SLC25A36: variants seen among roughly 807,000 people sequenced by gnomAD.
SLC25A36 encodes epididymis secretory sperm binding protein.
SLC25A36 carries 24 observed loss-of-function variants against 35.3 expected under a neutral mutation model. The ratio of observed to expected loss-of-function variants is 0.68; its 90% CI spans 0.49 to 0.96. SLC25A36 has a LOEUF of 0.96. Among genes scored for constraint, SLC25A36 ranks in the 40% least tolerant of loss-of-function variants. SLC25A36 has a pLI of 0.00. For missense variants in SLC25A36, 294 were observed against 381.1 expected (o/e 0.77, Z 1.90); for synonymous variants, 141 against 132.2 (o/e 1.07, Z -0.46).
chr3:140,968,622 C>A (rs1934823867), intron 4 of SLC25A36: 1 of 953,010 alleles, frequency 1.0e-6, no homozygotes, highest in African/African-American at 1.8e-5. Context: ...TTGTTCCTAA[C>A]AACATTTATA....
rs1345597373 is a variant in SLC25A36, at chr3:140,963,037, T to G, written c.285-90T>G. ...GGCTAGGACTTTATGGTTTTTAAAT[T>G]TCTCCATTCTAAAATTATGAAGATC... On this transcript the variant is annotated intron_variant, in intron 3 of 6. Coordinates refer to ENST00000324194, the MANE Select transcript of SLC25A36 (RefSeq NM_001104647.3). 2.7e-5 allele frequency: 21 copies of G among 770,944 alleles called. No homozygotes were observed. In the East Asian group the frequency reaches 6.1e-4, roughly 22 times the overall value. The allele number at this position is 770,944 out of a possible 1,614,324, so 47.8% of individuals were successfully genotyped here.
At position 140,980,144 on chromosome 3, in the gene SLC25A36, A is replaced by G. The variant is rs541895645; in HGVS notation, c.*3691A>G. ...AGGAACCCAAAGGTCAAGTAATCCA[A>G]CTCCCTCATAGTGTACAAAGAAATC... On this transcript the variant is annotated 3_prime_UTR_variant, in exon 7 of 7. Transcript: ENST00000324194. Among the ~76,000 whole-genome samples the G allele has an allele frequency of 2.6e-5, 4 of 152,200 alleles. No homozygotes were observed. The highest frequency in any genetic ancestry group is 4.4e-5 in the Non-Finnish European group (3 of 67,998).
chr3:140,942,179 G>T (rs1191995884), intron 1 of SLC25A36, 84 bp downstream of exon 1: 3 of 127,424 alleles, frequency 2.4e-5, no homozygotes, highest in African/African-American at 7.0e-5. Context: ...GGGGCCGAGG[G>T]GGGTGGGGGG....
chr3:140,942,695 CT>C (rs1934048344), intron 1 of SLC25A36: 1 of 152,282 alleles, frequency 6.6e-6, no homozygotes, highest in Non-Finnish European at 1.5e-5. Context: ...CACCTCGGAC[CT>C]CGGGCCGCTC....
Position 140,961,180 on chromosome 3 carries a change from CAAGTT to C in SLC25A36, c.284+1643_284+1647del, listed in dbSNP as rs1447826801. Reference sequence around the variant, plus strand: ...CCAAAATTGCATCCTAATTATAAAACAAGTTAAAAGAAAAAAAACACCATTAATAG... The same window carrying C: ...CCAAAATTGCATCCTAATTATAAAACAAAAGAAAAAAAACACCATTAATAG... On this transcript the variant is annotated intron_variant, in intron 3 of 6. Coordinates refer to ENST00000324194, the MANE Select transcript of SLC25A36 (RefSeq NM_001104647.3). Among the ~76,000 whole-genome samples the C allele has an allele frequency of 8.6e-5, 13 of 150,576 alleles. No homozygotes were observed. In the South Asian group the frequency reaches 2.7e-3, roughly 32 times the overall value.
Position 140,956,527 on chromosome 3 carries a change from A to G in SLC25A36, c.42A>G (p.Gly14=), listed in dbSNP as rs754709301. ...TGTTCTTTTTTTTTTTTTTTTTTAGATGTGGTGGTACAGTGGGAGCTATTC... is the reference window on the plus strand; with the variant it reads ...TGTTCTTTTTTTTTTTTTTTTTTAGGTGTGGTGGTACAGTGGGAGCTATTC... ...RDTLVHLFAG[G]CGGTVGAILT... is the part of the protein sequence containing the mutation. Residue 14 remains glycine, a splice_region_variant and synonymous_variant, in exon 2 of 7, where the codon GGA becomes GGG. Coordinates refer to ENST00000324194, the MANE Select transcript of SLC25A36 (RefSeq NM_001104647.3). The G allele has an allele frequency of 1.4e-6, 2 of 1,439,874 alleles. No homozygotes were observed. Among genetic ancestry groups the G allele is most frequent in the South Asian group, 1.3e-5 (1 of 74,876 alleles). 89.2% of individuals were successfully genotyped at this position (1,439,874 alleles called of 1,614,324 possible). A position where few individuals can be genotyped will look rare whatever the true frequency, so the allele number is the denominator to read the frequency against.
intron 5 of SLC25A36, among the ~76,000 whole-genome samples, chr3:140,971,287 A>G (rs1254251476): frequency 1.3e-5 from 2 of 152,122 alleles, no homozygotes; most frequent in Non-Finnish European, 2.9e-5. Flanking sequence ...CCCAGCCCAA[A>G]AGGTAATACT....
chr3:140,958,433 T>TA (rs1245508426), intron 2 of SLC25A36, among the ~76,000 whole-genome samples: 1 of 152,246 alleles, frequency 6.6e-6, no homozygotes, highest in Non-Finnish European at 1.5e-5. Context: ...TTTGTTTTGT[T>TA]ACAATTCTTT....
Position 140,976,634 on chromosome 3 carries a change from G to GT in SLC25A36, c.*182dup. The GT allele has an allele frequency of 5.1e-4, 83 of 163,410 alleles. No individual in the cohort carries two copies. Among genetic ancestry groups the GT allele is most frequent in the Non-Finnish European group, 5.5e-4 (57 of 104,504 alleles). 10.1% of individuals were successfully genotyped at this position (163,410 alleles called of 1,614,324 possible). A position where few individuals can be genotyped will look rare whatever the true frequency, so the allele number is the denominator to read the frequency against. On this transcript the variant is annotated 3_prime_UTR_variant, in exon 7 of 7. Coordinates refer to ENST00000324194, the MANE Select transcript of SLC25A36 (RefSeq NM_001104647.3). Reference sequence around the variant, plus strand: ...CCACATTACTTGGCCTTTCGGTAATGTGAAAAAAAAAAAAAACCTCAGAGC... The same window carrying GT: ...CCACATTACTTGGCCTTTCGGTAATGTTGAAAAAAAAAAAAAACCTCAGAGC...
At position 140,957,369 on chromosome 3, in the gene SLC25A36, A is replaced by G. The variant is rs182329456; in HGVS notation, c.206+678A>G. On this transcript the variant is annotated intron_variant, in intron 2 of 6. Coordinates refer to ENST00000324194, the MANE Select transcript of SLC25A36 (RefSeq NM_001104647.3). ...ATTCTGTGTATTTACCTTTGTTACT[A>G]AAAGGTTTCATCAGCCTTTTCTTTT... Among the ~76,000 whole-genome samples, 252 of 152,336 alleles carry G rather than the reference A, an allele frequency of 1.7e-3. 3 individuals are homozygous for G. The East Asian group carries it at 0.019, about 12-fold the overall frequency.
intron 5 of SLC25A36, among the ~76,000 whole-genome samples, chr3:140,972,166 T>C (rs1449981477): frequency 6.6e-6 from 1 of 152,230 alleles, no homozygotes; most frequent in African/African-American, 2.4e-5. Flanking sequence ...CATTATTCTA[T>C]TGTAAACTAC....
rs957060474 is a variant in SLC25A36, at chr3:140,941,888, C to T, written c.-167C>T. 2.0e-6 allele frequency: 1 copy of T among 511,200 alleles called. No individual in the cohort carries two copies. The highest frequency in any genetic ancestry group is 5.4e-4 in the Middle Eastern group (1 of 1,858). 31.7% of individuals were successfully genotyped at this position (511,200 alleles called of 1,614,324 possible). A position where few individuals can be genotyped will look rare whatever the true frequency, so the allele number is the denominator to read the frequency against. On this transcript the variant is annotated 5_prime_UTR_variant, in exon 1 of 7. Coordinates refer to ENST00000324194, the MANE Select transcript of SLC25A36 (RefSeq NM_001104647.3). ...GGCAGGCGGTGGCGCGGCTGGAGTG[C>T]CGCGGGGAGGGCTGTGCCGGTTGCT...
At chr3:140,952,109 T>TG (rs1490270423) in intron 1 of SLC25A36, among the ~76,000 whole-genome samples, 19 of 151,484 alleles carry the variant, frequency 1.3e-4, no homozygotes, top group Admixed American at 1.2e-3. Flanking sequence ...CTCTGCCTCC[T>TG]GGGTTGAAGC....
intron 1 of SLC25A36, among the ~76,000 whole-genome samples, chr3:140,951,797 AT>A (rs766809793): frequency 6.6e-6 from 1 of 151,244 alleles, no homozygotes; most frequent in African/African-American, 2.4e-5. Flanking sequence ...GCCTGGCCTT[AT>A]TTTTTTGTTG....
At chr3:140,967,617 G>T (rs1934794682) in intron 4 of SLC25A36, among the ~76,000 whole-genome samples, 1 of 151,842 alleles carries the variant, frequency 6.6e-6, no homozygotes, top group Non-Finnish European at 1.5e-5. Flanking sequence ...CAACACTACA[G>T]GTATCACTCA....
chr3:140,961,074 C>CA (rs747002489), intron 3 of SLC25A36, among the ~76,000 whole-genome samples: 1 of 152,262 alleles, frequency 6.6e-6, no homozygotes. Context: ...TTTCTGTATC[C>CA]AAACCATGTA....
At position 140,975,602 on chromosome 3, in the gene SLC25A36, T is replaced by A. The variant is rs529475145; in HGVS notation, c.743-658T>A. Among the ~76,000 whole-genome samples, 3 of 152,318 alleles carry A rather than the reference T, an allele frequency of 2.0e-5. No individual in the cohort carries two copies. In the South Asian group the frequency reaches 6.2e-4, roughly 32 times the overall value. ...GGAAGCTGTGAGTTCTTGTCCCAGC[T>A]TCTACCCACAACTGGCCAAAATTTC... On this transcript the variant is annotated intron_variant, in intron 6 of 6. Transcript: ENST00000324194.
In SLC25A36 at chr3:140,980,762, A is replaced by G. The variant is rs1451700541; in HGVS notation, c.*4309A>G. ...GTCACCCATGCTGGAGTGCAATGAC[A>G]TGATCTCAGGTCACTGCAACCTCTG... On this transcript the variant is annotated 3_prime_UTR_variant, in exon 7 of 7. Coordinates refer to ENST00000324194, the MANE Select transcript of SLC25A36 (RefSeq NM_001104647.3). Among the ~76,000 whole-genome samples the G allele has an allele frequency of 7.5e-6, 1 of 132,610 alleles. No homozygotes were observed. The highest frequency in any genetic ancestry group is 1.6e-5 in the Non-Finnish European group (1 of 64,430). 87.0% of individuals were successfully genotyped at this position (132,610 alleles called of 152,430 possible). A position where few individuals can be genotyped will look rare whatever the true frequency, so the allele number is the denominator to read the frequency against.
intron 1 of SLC25A36, chr3:140,942,340 C>T (rs982724515): frequency 9.9e-6 from 4 of 403,638 alleles, no homozygotes; most frequent in Admixed American, 4.5e-5. Context: ...GAGGCCCGGG[C>T]AAAGAGGGTT....
Sources: gnomAD v4.1 joint callset for allele counts (sites outside exome capture counted in the v4.1 genomes callset) on GRCh38, gnomAD v4.1.1 for gene constraint, MANE v1.5 for transcripts, NCBI Gene and HGNC (gene_info 2026-07-23, HGNC 2026-07-21) for gene names.